The following TRIOBP variants were observed in gnomAD, a reference collection of about 807,000 sequenced individuals.
TRIOBP encodes TRIO and F-actin-binding protein.
TRIOBP carries 169 observed loss-of-function variants against 238.8 expected under a neutral mutation model. The ratio of observed to expected loss-of-function variants is 0.71; its 90% CI spans 0.62 to 0.80. The LOEUF (loss-of-function observed/expected upper bound fraction) is 0.80. TRIOBP is among the 30% of genes least tolerant of loss of function. TRIOBP has a pLI of 0.00. For synonymous variants in TRIOBP, 1,150 were observed against 1,274.4 expected (o/e 0.90, Z 2.08); for missense variants, 2,838 against 3,122.6 (o/e 0.91, Z 2.17).
chr22:37,768,193 GC>G lies in TRIOBP; in HGVS notation c.6575+20del. ...GCAGCACCAGTAAGATGATGCCGGG[GC>G]CCAACTGCCCACCCTGATGGTTATG... On this transcript the variant is annotated intron_variant, in intron 19 of 23. Coordinates refer to ENST00000644935, the MANE Select transcript of TRIOBP (RefSeq NM_001039141.3). 1 of 1,593,630 alleles carries G rather than the reference GC, an allele frequency of 6.3e-7. No homozygotes were observed. Among genetic ancestry groups the G allele is most frequent in the Non-Finnish European group, 8.6e-7 (1 of 1,166,848 alleles).
chr22:37,722,449 G>A (rs1337998901), intron 6 of TRIOBP, among the ~76,000 whole-genome samples: 2 of 141,176 alleles, frequency 1.4e-5, no homozygotes, highest in African/African-American at 2.6e-5. Flanking sequence ...AAAAAAGGTC[G>A]GGCATGGTGG....
intron 17 of TRIOBP, among the ~76,000 whole-genome samples, chr22:37,761,671 G>C (rs1192783057): frequency 1.3e-5 from 2 of 152,154 alleles, no homozygotes; most frequent in Non-Finnish European, 2.9e-5. Context: ...GGAAGGCAGA[G>C]GGGCCTTTGG....
intron 7 of TRIOBP, among the ~76,000 whole-genome samples, chr22:37,730,883 G>C (rs1174966615): frequency 2.0e-5 from 3 of 150,548 alleles, no homozygotes; most frequent in African/African-American, 4.9e-5. Flanking sequence ...GAAGGCGGAG[G>C]TTGCAGTGAG....
intron 2 of TRIOBP, among the ~76,000 whole-genome samples, chr22:37,700,696 T>G (rs1013532132): frequency 6.6e-6 from 1 of 152,010 alleles, no homozygotes; most frequent in Non-Finnish European, 1.5e-5. Context: ...CTGCATTTTT[T>G]TGTTTTTTGT....
At position 37,755,969 on chromosome 22, in the gene TRIOBP, A is replaced by G. The variant is rs1543794; in HGVS notation, c.5687+310A>G. Among the ~76,000 whole-genome samples the G allele has an allele frequency of 0.97, 147,543 of 152,268 alleles. 71,519 individuals are homozygous for G. The highest frequency in any genetic ancestry group is 1 in the East Asian group (5,178 of 5,180). On this transcript the variant is annotated intron_variant, in intron 15 of 23. Transcript: ENST00000644935. ...TGGGGGCCGTGTCTAAGCCTGTGTT[A>G]GGAAGGGGTGGTTAGGTAGTTCAGC...
chr22:37,735,345 C>A lies in TRIOBP; in HGVS notation c.5009C>A (p.Thr1670Lys). Residue 1670 changes from threonine (T) to lysine (K), a missense_variant, in exon 9 of 24, where the codon ACA becomes AAA. This residue lies in a region of TRIOBP where 2,096 missense variants were observed against 2,137.4 expected (regional missense o/e 0.98). Transcript: ENST00000644935. Reference protein sequence around the residue: ...TSTQWPKIKVTRGPATATLAG... With the variant: ...TSTQWPKIKVKRGPATATLAG... ...ACCCAGTGGCCAAAGATCAAAGTGA[C>A]AAGAGGACCAGCGACCGCAACTCTG... 4 of 1,613,312 alleles carry A rather than the reference C, an allele frequency of 2.5e-6. No individual in the cohort carries two copies. Among genetic ancestry groups the A allele is most frequent in the Non-Finnish European group, 3.4e-6 (4 of 1,179,862 alleles).
chr22:37,762,245 T>C (rs1926282025), intron 17 of TRIOBP, among the ~76,000 whole-genome samples: 1 of 152,142 alleles, frequency 6.6e-6, no homozygotes, highest in African/African-American at 2.4e-5. Flanking sequence ...AAAAATTTTT[T>C]TGTAGAGACA....
At chr22:37,759,719 G>C in intron 17 of TRIOBP, 1 of 1,477,862 alleles carries the variant, frequency 6.8e-7, no homozygotes, top group Non-Finnish European at 9.0e-7. Flanking sequence ...GCCTCCAGTA[G>C]CCCTCAGAGA....
intron 6 of TRIOBP, among the ~76,000 whole-genome samples, chr22:37,719,989 C>CACACTGCACTCACGGTTTCACTCAT (rs367687004): frequency 1.4e-5 from 1 of 71,208 alleles, no homozygotes; most frequent in Admixed American, 1.7e-4. Flanking sequence ...TTTCACTCAT[C>CACACTGCACTCACGGTTTCACTCAT]CCCCCCCGCC....
chr22:37,754,725 C>T, intron 12 of TRIOBP, 152 bp from the exon 13 acceptor site: 1 of 753,888 alleles, frequency 1.3e-6, no homozygotes, highest in Non-Finnish European at 2.4e-6. Context: ...GATGCTACCC[C>T]TGAGGCTCAG....
chr22:37,726,159 C>T lies in TRIOBP; in HGVS notation c.3603C>T (p.Pro1201=). The change falls in exon 7 of 24, where the codon CCC becomes CCT. Residue 1201 remains proline (P), a synonymous_variant. Transcript: ENST00000644935. ...GAACTAGTATGGAGAGCCTGGCCCC[C>T]TCCACTGACTCTCTGCATGGCTCCC... ...PPGTSMESLA[P]STDSLHGSPV... 9 of 1,581,894 alleles carry T rather than the reference C, an allele frequency of 5.7e-6. No individual in the cohort carries two copies. Among genetic ancestry groups the T allele is most frequent in the Non-Finnish European group, 7.7e-6 (9 of 1,163,938 alleles).
At chr22:37,718,259 G>C (rs1415621772) in intron 6 of TRIOBP, among the ~76,000 whole-genome samples, 1 of 152,220 alleles carries the variant, frequency 6.6e-6, no homozygotes, top group Non-Finnish European at 1.5e-5. Context: ...AGCCAGCTCC[G>C]GCCTCGGCCA....
chr22:37,711,590 AAACAAC>A (rs869113481), intron 4 of TRIOBP, among the ~76,000 whole-genome samples: 1 of 47,346 alleles, frequency 2.1e-5, no homozygotes, highest in African/African-American at 3.9e-5. Context: ...AAAAAAAAAA[AAACAAC>A]AAAAAAAAAA....
At position 37,730,384 on chromosome 22, in the gene TRIOBP, G is replaced by A. The variant is rs149654547; in HGVS notation, c.3948-2914G>A. ...TCTACATGGGGGAAAAAAGGAAGGC[G>A]AGTTCTCAGGAGGAATGCTCATCAA... is the stretch of plus-strand genomic sequence containing the variant. On this transcript the variant is annotated intron_variant, in intron 7 of 23. Transcript: ENST00000644935. 3.0e-3 allele frequency among the ~76,000 whole-genome samples: 452 copies of A among 152,216 alleles called. 1 individual carries two copies. The highest frequency in any genetic ancestry group is 0.01 in the African/African-American group (426 of 41,516).
chr22:37,767,327 A>AT (rs1926555880), intron 18 of TRIOBP, among the ~76,000 whole-genome samples: 1 of 151,724 alleles, frequency 6.6e-6, no homozygotes, highest in Non-Finnish European at 1.5e-5. Context: ...AAAGAAAAAA[A>AT]GGAGAGAAAC....
In TRIOBP at chr22:37,765,801, G is replaced by C. The variant is rs372723886; in HGVS notation, c.6456G>C (p.Thr2152=). ...QEKEWLLAEE[T]AATASAIEAM... is the part of the protein sequence containing the mutation. The stretch of plus-strand genomic sequence containing the variant: ...AGGAGTGGCTCCTGGCTGAGGAGAC[G>C]GCAGCCACGGCCTCAGGTATGGACC... Residue 2152 remains threonine, a synonymous_variant, in exon 18 of 24, where the codon ACG becomes ACC. Coordinates refer to ENST00000644935, the MANE Select transcript of TRIOBP (RefSeq NM_001039141.3). The C allele has an allele frequency of 6.3e-7, 1 of 1,581,330 alleles. No homozygotes were observed. The highest frequency in any genetic ancestry group is 1.8e-5 in the Admixed American group (1 of 56,364).
intron 11 of TRIOBP, among the ~76,000 whole-genome samples, chr22:37,748,447 C>T (rs1250183405): frequency 3.9e-5 from 6 of 152,200 alleles, no homozygotes; most frequent in Admixed American, 3.9e-4. Context: ...GATCAGCCTT[C>T]CCCCTCGCCT....
rs996580093 is a variant in TRIOBP, at chr22:37,755,543, C to T, written c.5578-7C>T. ...TGTGGCAACCTACCCATGCGGTGGC[C>T]TTGCAGACCAAGGATGCTGTCTATA... On this transcript the variant is annotated splice_polypyrimidine_tract_variant and splice_region_variant and intron_variant, in intron 14 of 23. Transcript: ENST00000644935. The T allele has an allele frequency of 3.7e-6, 6 of 1,613,410 alleles. No individual in the cohort carries two copies. Among genetic ancestry groups the T allele is most frequent in the Non-Finnish European group, 3.4e-6 (4 of 1,179,678 alleles).
chr22:37,762,504 C>T (rs1223983406), intron 17 of TRIOBP, among the ~76,000 whole-genome samples: 1 of 152,216 alleles, frequency 6.6e-6, no homozygotes, highest in Non-Finnish European at 1.5e-5. Context: ...AAGGGTGTGA[C>T]CTTTGAGCTA....
Sources: gnomAD v4.1 joint callset for allele counts (sites outside exome capture counted in the v4.1 genomes callset) on GRCh38, gnomAD v4.1.1 for gene constraint, gnomAD v4.1.1 regional missense constraint, MANE v1.5 for transcripts, NCBI Gene and HGNC (gene_info 2026-07-23, HGNC 2026-07-21) for gene names.